The following TCF4 variants were observed in gnomAD, a reference collection of about 807,000 sequenced individuals.
TCF4 encodes the protein SL3-3 enhancer factor 2.
A neutral mutation model predicts 82.1 loss-of-function variants in TCF4; 3 were observed. The observed-to-expected ratio is 0.04, with a 90% CI of 0.02 to 0.09. The LOEUF is 0.09. Among genes scored for constraint, TCF4 ranks in the 10% least tolerant of loss-of-function variants. The probability of loss-of-function intolerance (pLI) is 1.00; values close to 1 mark genes in which losing one functional copy is unlikely to be tolerated. For missense variants in TCF4, 518 were observed against 852.7 expected, an observed-to-expected ratio of 0.61 and a Z score of 4.89; for synonymous variants, 276 against 309.6, an observed-to-expected ratio of 0.89 and a Z score of 1.14.
intron 3 of TCF4, among the ~76,000 whole-genome samples, chr18:55,512,951 G>C (rs970726568): frequency 1.3e-4 from 20 of 152,106 alleles, no homozygotes; most frequent in Non-Finnish European, 4.4e-5. Flanking sequence ...AAATAACACT[G>C]AAGAAAGGCA....
chr18:55,282,869 G>C (rs2062900012), intron 8 of TCF4, among the ~76,000 whole-genome samples: 1 of 151,858 alleles, frequency 6.6e-6, no homozygotes, highest in South Asian at 2.1e-4. Context: ...AGATCAAGGT[G>C]ACTGTTGGCA....
intron 8 of TCF4, chr18:55,302,722 G>A: frequency 9.4e-7 from 1 of 1,058,688 alleles, no homozygotes; most frequent in South Asian, 1.6e-5. Flanking sequence ...GGGGAGGTGG[G>A]ACAAGCCCAG....
intron 5 of TCF4, among the ~76,000 whole-genome samples, chr18:55,427,259 G>A (rs529801233): frequency 1.3e-5 from 2 of 152,084 alleles, no homozygotes; most frequent in Non-Finnish European, 2.9e-5. Context: ...TACTGGATGA[G>A]GGGAAAACAT....
intron 8 of TCF4, among the ~76,000 whole-genome samples, chr18:55,340,160 A>T (rs1259822909): frequency 1.3e-5 from 2 of 152,194 alleles, no homozygotes; most frequent in African/African-American, 4.8e-5. Flanking sequence ...AAAACAAAAG[A>T]AAAAGCACGT....
At chr18:55,397,113 G>A (rs1316723809) in intron 6 of TCF4, among the ~76,000 whole-genome samples, 1 of 152,156 alleles carries the variant, frequency 6.6e-6, no homozygotes, top group African/African-American at 2.4e-5. Flanking sequence ...AATTGCAGAT[G>A]GGGAAAGATT....
intron 3 of TCF4, among the ~76,000 whole-genome samples, chr18:55,472,531 C>T (rs1188342320): frequency 6.6e-6 from 1 of 152,046 alleles, no homozygotes; most frequent in Non-Finnish European, 1.5e-5. Flanking sequence ...GGGATCCTAC[C>T]TTTTAAAGCA....
chr18:55,451,970 T>G (rs1603474717), intron 5 of TCF4, among the ~76,000 whole-genome samples: 2 of 152,180 alleles, frequency 1.3e-5, no homozygotes, highest in African/African-American at 4.8e-5. Flanking sequence ...CATGTCACTG[T>G]ACTCCAGCCT....
chr18:55,519,964 A>G (rs2096919522), intron 3 of TCF4, among the ~76,000 whole-genome samples: 1 of 152,206 alleles, frequency 6.6e-6, no homozygotes, highest in Non-Finnish European at 1.5e-5. Flanking sequence ...TTGAAAATTC[A>G]GTTTAGTGCT....
intron 6 of TCF4, among the ~76,000 whole-genome samples, chr18:55,378,290 AAAT>A (rs1251289953): frequency 1.3e-5 from 2 of 152,234 alleles, no homozygotes; most frequent in East Asian, 1.9e-4. Context: ...ATCAGTTTAA[AAAT>A]AATATTAGAC....
intron 8 of TCF4, among the ~76,000 whole-genome samples, chr18:55,318,605 T>C (rs2074726333): frequency 6.6e-6 from 1 of 152,204 alleles, no homozygotes; most frequent in African/African-American, 2.4e-5. Flanking sequence ...AATTTATTCT[T>C]TGATAGCTCT....
chr18:55,480,913 A>G lies in TCF4; in HGVS notation c.146-16776T>C, dbSNP rs141689905. ...GAGGCCAGGAGTTTGAGACCAGCCT[A>G]GGCAATATGGTAAAACTCTGTCTCT... is the stretch of plus-strand genomic sequence containing the variant. On this transcript the variant is annotated intron_variant, in intron 3 of 19. Coordinates refer to ENST00000354452, the MANE Select transcript of TCF4 (RefSeq NM_001083962.2). Among the ~76,000 whole-genome samples the G allele has an allele frequency of 7.2e-3, 1,097 of 152,134 alleles. 16 individuals carry two copies. The highest frequency in any genetic ancestry group is 0.025 in the African/African-American group (1,040 of 41,510).
chr18:55,596,268 T>C (rs1244238300), intron 2 of TCF4: 7 of 315,106 alleles, frequency 2.2e-5, no homozygotes, highest in South Asian at 1.6e-4. Context: ...TTGCATTGGC[T>C]GTCACTTAAA....
chr18:55,582,020 T>C (rs904414847), intron 3 of TCF4, among the ~76,000 whole-genome samples: 30 of 152,088 alleles, frequency 2.0e-4, no homozygotes, highest in Non-Finnish European at 4.4e-5. Context: ...TAACAAGTTC[T>C]TTAGAATGTA....
intron 3 of TCF4, among the ~76,000 whole-genome samples, chr18:55,499,213 A>G (rs2096670608): frequency 6.6e-6 from 1 of 152,184 alleles, no homozygotes; most frequent in Non-Finnish European, 1.5e-5. Flanking sequence ...CTAAACTGCA[A>G]TTTTGTTCTT....
At position 55,279,672 on chromosome 18, in the gene TCF4, C is replaced by T; in HGVS notation, c.550-16G>A. ...GAGCATAGACCTGAGGAGAAAGAAC[C>T]AACTGAGTTTTGCTTTTTGCATTGA... On this transcript the variant is annotated splice_polypyrimidine_tract_variant and intron_variant, in intron 8 of 19. Coordinates refer to ENST00000354452, the MANE Select transcript of TCF4 (RefSeq NM_001083962.2). The T allele has an allele frequency of 6.2e-7, 1 of 1,613,710 alleles. No homozygotes were observed. The highest frequency in any genetic ancestry group is 1.7e-5 in the Admixed American group (1 of 60,004).
intron 8 of TCF4, among the ~76,000 whole-genome samples, chr18:55,335,781 A>G (rs1186239609): frequency 6.6e-6 from 1 of 152,198 alleles, no homozygotes; most frequent in African/African-American, 2.4e-5. Context: ...ATAAAAATGT[A>G]TACTTAAACT....
chr18:55,434,082 T>C (rs545352300), intron 5 of TCF4, among the ~76,000 whole-genome samples: 12 of 152,302 alleles, frequency 7.9e-5, no homozygotes, highest in South Asian at 2.1e-4. Context: ...TCTCATTCAA[T>C]GGTCTTAATG....
intron 8 of TCF4, among the ~76,000 whole-genome samples, chr18:55,285,727 T>C (rs1022622086): frequency 1.3e-5 from 2 of 152,222 alleles, no homozygotes; most frequent in Non-Finnish European, 2.9e-5. Context: ...TGGGCCATGT[T>C]TGCCACTCGC....
At chr18:55,346,342 T>G (rs1474391640) in intron 8 of TCF4, among the ~76,000 whole-genome samples, 1 of 152,196 alleles carries the variant, frequency 6.6e-6, no homozygotes, top group Non-Finnish European at 1.5e-5. Flanking sequence ...CAAACCTTAT[T>G]TTAGAATCTT....
Sources: gnomAD v4.1 joint callset for allele counts (sites outside exome capture counted in the v4.1 genomes callset) on GRCh38, gnomAD v4.1.1 for gene constraint, MANE v1.5 for transcripts, NCBI Gene and HGNC (gene_info 2026-07-23, HGNC 2026-07-21) for gene names.